Variants in SREK1 observed in about 807,000 individuals in gnomAD.
SREK1 encodes splicing regulatory glutamic acid and lysine rich protein 1, also known as splicing regulatory glutamine/lysine-rich protein 1.
Under a neutral mutation model 66.5 loss-of-function variants are expected in SREK1, and 13 were observed. That is an observed-to-expected ratio of 0.20 (90% CI 0.13 to 0.31). SREK1 has a LOEUF of 0.31. SREK1 is among the 10% of genes least tolerant of loss of function. SREK1 has a pLI of 1.00. For missense variants in SREK1, 607 were observed against 769.6 expected, an observed-to-expected ratio of 0.79 and a Z score of 2.50; for synonymous variants, 265 against 263.5, an observed-to-expected ratio of 1.01 and a Z score of -0.05.
At chr5:66,155,192 G>A (rs1157087553) in intron 2 of SREK1, among the ~76,000 whole-genome samples, 1 of 151,028 alleles carries the variant, frequency 6.6e-6, no homozygotes, top group African/African-American at 2.4e-5. Flanking sequence ...TATTTTACTT[G>A]ATAGAGATGA....
chr5:66,178,204 TATC>T (rs35436127), intron 11 of SREK1, among the ~76,000 whole-genome samples: 12,327 of 152,092 alleles, frequency 0.081, 620 homozygotes, highest in East Asian at 0.27. Flanking sequence ...GATAGACGAT[TATC>T]ATCATCATCA....
chr5:66,163,915 T>C lies in SREK1; in HGVS notation c.879T>C (p.Ile293=), dbSNP rs1744960453. Residue 293 remains isoleucine (I), a synonymous_variant, in exon 6 of 12, where the codon ATT becomes ATC. Transcript: ENST00000334121. The part of the protein sequence containing the change: ...REAQSFISAA[I]EPESGKSNER... ...CTCAGTCATTTATCTCAGCAGCTAT[T>C]GAACCAGGTAAGTACATAACGTTGT... is the stretch of plus-strand genomic sequence containing the variant. The C allele has an allele frequency of 2.5e-6, 4 of 1,613,528 alleles. No individual in the cohort carries two copies. The highest frequency in any genetic ancestry group is 3.4e-6 in the Non-Finnish European group (4 of 1,179,524).
intron 2 of SREK1, chr5:66,157,367 G>C (rs1156252622): frequency 1.0e-6 from 1 of 982,592 alleles, no homozygotes; most frequent in East Asian, 1.1e-4. Flanking sequence ...ACTTATTAAA[G>C]GACAAGTAAT....
chr5:66,163,931 A>G lies in SREK1; in HGVS notation c.886+9A>G, dbSNP rs1219258977. 3 of 1,611,754 alleles carry G rather than the reference A, an allele frequency of 1.9e-6. No homozygotes were observed. The highest frequency in any genetic ancestry group is 1.1e-5 in the South Asian group (1 of 90,816). On this transcript the variant is annotated intron_variant, in intron 6 of 11. Coordinates refer to ENST00000334121, the MANE Select transcript of SREK1 (RefSeq NM_001077199.3). ...AGCAGCTATTGAACCAGGTAAGTAC[A>G]TAACGTTGTTACATAGGTCATAGTT...
At chr5:66,177,726 T>G in intron 11 of SREK1, 68 bp downstream of exon 11, 1 of 1,368,450 alleles carries the variant, frequency 7.3e-7, no homozygotes, top group East Asian at 2.5e-5. Flanking sequence ...GGTTTTAGAC[T>G]GAAAGCTCTT....
intron 7 of SREK1, chr5:66,165,633 T>TA (rs1745106580): frequency 6.6e-6 from 1 of 152,288 alleles, no homozygotes; most frequent in Non-Finnish European, 1.5e-5. Context: ...TTACTAAAGT[T>TA]ACAAATTTTG....
At chr5:66,162,638 A>G (rs368589486) in intron 5 of SREK1, 46 bp downstream of exon 5, 48 of 1,532,414 alleles carry the variant, frequency 3.1e-5, no homozygotes, top group Middle Eastern at 3.5e-4. Context: ...TGAAACATTT[A>G]AAGTATTTTT....
intron 1 of SREK1, among the ~76,000 whole-genome samples, chr5:66,147,497 C>A (rs1453224289): frequency 6.6e-6 from 1 of 152,180 alleles, no homozygotes; most frequent in East Asian, 1.9e-4. Context: ...CCTGTAAGTT[C>A]CCCGTGACCC....
chr5:66,145,516 A>G (rs1401212947), intron 1 of SREK1, among the ~76,000 whole-genome samples: 1 of 151,706 alleles, frequency 6.6e-6, no homozygotes, highest in Non-Finnish European at 1.5e-5. Flanking sequence ...ATTTAGACCT[A>G]TTTTTCTTTA....
At chr5:66,147,744 C>G (rs1172056808) in intron 1 of SREK1, among the ~76,000 whole-genome samples, 3 of 152,210 alleles carry the variant, frequency 2.0e-5, no homozygotes, top group African/African-American at 7.2e-5. Context: ...GATCCCACCA[C>G]TCTATCAAAG....
In SREK1 at chr5:66,153,449, T is replaced by A. The variant is rs1744023855; in HGVS notation, c.162-14T>A. On this transcript the variant is annotated splice_polypyrimidine_tract_variant and intron_variant, in intron 1 of 11. Transcript: ENST00000334121. ...ATGTTTATTAGTTCAATTGTTTTTC[T>A]TTTTATCTTGCAGCAACGCACCTCT... 1 of 1,601,120 alleles carries A rather than the reference T, an allele frequency of 6.2e-7. No individual in the cohort carries two copies. Among genetic ancestry groups the A allele is most frequent in the Admixed American group, 1.8e-5 (1 of 55,892 alleles).
intron 9 of SREK1, among the ~76,000 whole-genome samples, chr5:66,172,889 G>A (rs1043164525): frequency 7.0e-6 from 1 of 143,694 alleles, no homozygotes; most frequent in African/African-American, 2.7e-5. Context: ...AGAATGCAGT[G>A]GCACAATATC....
chr5:66,159,743 A>G (rs1744582761), intron 3 of SREK1, among the ~76,000 whole-genome samples: 1 of 152,230 alleles, frequency 6.6e-6, no homozygotes, highest in Non-Finnish European at 1.5e-5. Context: ...AAATGTAATA[A>G]GGTGAAAACA....
At chr5:66,144,964 C>T in intron 1 of SREK1, 2 of 988,672 alleles carry the variant, frequency 2.0e-6, no homozygotes, top group Non-Finnish European at 2.4e-6. Context: ...TTTTTAAGGC[C>T]TTGGTGTCAG....
intron 1 of SREK1, among the ~76,000 whole-genome samples, chr5:66,151,846 T>TTC (rs1743850502): frequency 8.3e-6 from 1 of 120,636 alleles, no homozygotes; most frequent in African/African-American, 4.3e-5. Context: ...TTTTTTTTTT[T>TTC]TTTTTTTTTT....
At chr5:66,168,663 C>T (rs188331553) in intron 7 of SREK1, 1 of 152,240 alleles carries the variant, frequency 6.6e-6, no homozygotes, top group East Asian at 1.9e-4. Context: ...AGGTGTGAGC[C>T]ACTGTGCCCA....
chr5:66,156,011 G>T, intron 2 of SREK1: 1 of 1,532,838 alleles, frequency 6.5e-7, no homozygotes, highest in South Asian at 1.2e-5. Flanking sequence ...GATGGATTTT[G>T]ACTATTAATT....
Position 66,174,964 on chromosome 5 carries a change from G to C in SREK1, c.1503G>C (p.Arg501Ser). 1 of 1,612,992 alleles carries C rather than the reference G, an allele frequency of 6.2e-7. No homozygotes were observed. The highest frequency in any genetic ancestry group is 1.1e-5 in the South Asian group (1 of 90,868). Reference protein sequence around the residue: ...RSSSRERRRRRSRSSSRSPRT... With the variant: ...RSSSRERRRRSSRSSSRSPRT... ...TTTTCAGGGAAAGGCGTAGGAGGAG[G>C]AGCAGGAGTTCTTCCAGATCGCCAA... Residue 501 changes from arginine (R) to serine (S), a missense_variant, in exon 10 of 12, where the codon AGG (arginine) becomes AGC (serine). Around this residue, in one of 5 missense-constraint regions of SREK1, gnomAD observed 318 missense variants for 310.3 expected, o/e 1.02. Coordinates refer to ENST00000334121, the MANE Select transcript of SREK1 (RefSeq NM_001077199.3).
chr5:66,176,118 A>G (rs1746033287), intron 10 of SREK1, among the ~76,000 whole-genome samples: 1 of 152,132 alleles, frequency 6.6e-6, no homozygotes, highest in Admixed American at 6.6e-5. Context: ...ACAATATGGC[A>G]AATGGGTTCA....
Sources: allele counts gnomAD v4.1 joint callset (sites outside exome capture counted in the v4.1 genomes callset), GRCh38; gene constraint gnomAD v4.1.1; regional missense constraint gnomAD v4.1.1; transcripts MANE v1.5; gene names NCBI Gene and HGNC (gene_info 2026-07-23, HGNC 2026-07-21).